Variants in UBASH3A observed in about 807,000 individuals in gnomAD.
UBASH3A encodes ubiquitin associated and SH3 domain containing A.
Under a neutral mutation model 73.5 loss-of-function variants are expected in UBASH3A, and 63 were observed. The observed-to-expected ratio is 0.86, with a 90% CI of 0.70 to 1.06. The LOEUF (loss-of-function observed/expected upper bound fraction) is 1.06, where lower values mean the gene tolerates loss of function less well. UBASH3A is among the 50% of genes least tolerant of loss of function. UBASH3A has a pLI of 0.00. For missense variants in UBASH3A, 860 were observed against 859.0 expected, an observed-to-expected ratio of 1.00 and a Z score of -0.02; for synonymous variants, 363 against 351.1, an observed-to-expected ratio of 1.03 and a Z score of -0.38.
chr21:42,413,707 C>T lies in UBASH3A; in HGVS notation c.667+184C>T, dbSNP rs1243353008. Among the ~76,000 whole-genome samples the T allele has an allele frequency of 1.3e-5, 2 of 152,168 alleles. No individual in the cohort carries two copies. Among genetic ancestry groups the T allele is most frequent in the African/African-American group, 4.8e-5 (2 of 41,426 alleles). On this transcript the variant is annotated intron_variant, in intron 5 of 14. Transcript: ENST00000319294. This position sits in a 1 kb window ranked among gnomAD's most constrained non-coding sequence, Gnocchi z 4.5. ...TGTGACGGGGTTGGAGGCTGGTGCA[C>T]ACAGGGAGTCAGGGCCTCCCCACCC...
Position 42,413,379 on chromosome 21 carries a change from G to A in UBASH3A, c.554-31G>A, listed in dbSNP as rs779186087. Reference sequence around the variant, plus strand: ...GGGATGGCTGGGTGGGCTTTCTTCCGGGCTCAGTGGCTGCACCTGTCCTCA... The same window carrying A: ...GGGATGGCTGGGTGGGCTTTCTTCCAGGCTCAGTGGCTGCACCTGTCCTCA... On this transcript the variant is annotated intron_variant, in intron 4 of 14. Coordinates refer to ENST00000319294, the MANE Select transcript of UBASH3A (RefSeq NM_018961.4). This position sits in a 1 kb window ranked among gnomAD's most constrained non-coding sequence, Gnocchi z 4.5. 4.2e-5 allele frequency: 67 copies of A among 1,586,472 alleles called. No homozygotes were observed. In the East Asian group the frequency reaches 5.6e-4, roughly 13 times the overall value.
At chr21:42,437,680 A>G (rs2053651956) in intron 11 of UBASH3A, 100 bp downstream of exon 11, 2 of 1,055,900 alleles carry the variant, frequency 1.9e-6, no homozygotes, top group Non-Finnish European at 1.4e-6. Context: ...GATGACTGGC[A>G]ATGAATGCCC....
chr21:42,442,934 C>T (rs372448097), intron 12 of UBASH3A, among the ~76,000 whole-genome samples: 53 of 152,132 alleles, frequency 3.5e-4, no homozygotes, highest in African/African-American at 1.2e-3. Context: ...GATCAGATGT[C>T]GAAGGTAGGA....
chr21:42,440,911 A>G (rs994892378), intron 11 of UBASH3A, among the ~76,000 whole-genome samples: 3 of 152,250 alleles, frequency 2.0e-5, no homozygotes, highest in Admixed American at 2.0e-4. Context: ...GTGGTTCCTC[A>G]TTAACACACT....
chr21:42,420,955 G>C (rs1260746989), intron 7 of UBASH3A, among the ~76,000 whole-genome samples: 1 of 152,210 alleles, frequency 6.6e-6, no homozygotes, highest in East Asian at 1.9e-4. Flanking sequence ...GATGGCTACT[G>C]CCTCCCTTCC....
chr21:42,423,230 C>T lies in UBASH3A; in HGVS notation c.1047-3467C>T, dbSNP rs528681698. ...CCAACAGTCATGGCCATCCCAGATG[C>T]GTGCAGACCAGCGGTTCAGGAGAAA... On this transcript the variant is annotated intron_variant, in intron 7 of 14. Coordinates refer to ENST00000319294, the MANE Select transcript of UBASH3A (RefSeq NM_018961.4). Among the ~76,000 whole-genome samples, 15 of 151,074 alleles carry T rather than the reference C, an allele frequency of 9.9e-5. No homozygotes were observed. In the South Asian group the frequency reaches 1.9e-3, roughly 19 times the overall value.
In UBASH3A at chr21:42,434,945, A is replaced by G. The variant is rs1241206881; in HGVS notation, c.1384A>G (p.Arg462Gly). The change falls in exon 10 of 15, where the codon AGA becomes GGA. Residue 462 changes from arginine (R) to glycine (G), a missense_variant. Coordinates refer to ENST00000319294, the MANE Select transcript of UBASH3A (RefSeq NM_018961.4). ...PLSSCGIFQS[R>G]IAGDALLDSG... ...ATCATCGTGTGGCATTTTCCAGTCC[A>G]GAATTGCAGGTATGTTTGAGGACTG... The G allele has an allele frequency of 6.2e-7, 1 of 1,614,172 alleles. No individual in the cohort carries two copies.
chr21:42,413,704 G>A lies in UBASH3A; in HGVS notation c.667+181G>A, dbSNP rs200368384. Among the ~76,000 whole-genome samples, 1 of 152,170 alleles carries A rather than the reference G, an allele frequency of 6.6e-6. No homozygotes were observed. Among genetic ancestry groups the A allele is most frequent in the East Asian group, 1.9e-4 (1 of 5,196 alleles). On this transcript the variant is annotated intron_variant, in intron 5 of 14. Transcript: ENST00000319294. The surrounding 1 kb of genome is among the most constrained non-coding windows in gnomAD (Gnocchi z 4.5). ...GACTGTGACGGGGTTGGAGGCTGGT[G>A]CACACAGGGAGTCAGGGCCTCCCCA...
Position 42,413,502 on chromosome 21 carries a change from AG to A in UBASH3A, c.647del (p.Ser216ThrfsTer11), listed in dbSNP as rs1477527962. 1 of 1,613,766 alleles carries A rather than the reference AG, an allele frequency of 6.2e-7. No individual in the cohort carries two copies. Among genetic ancestry groups the A allele is most frequent in the Non-Finnish European group, 8.5e-7 (1 of 1,179,776 alleles). On this transcript the variant is annotated frameshift_variant, in exon 5 of 15. Coordinates refer to ENST00000319294, the MANE Select transcript of UBASH3A (RefSeq NM_018961.4). LOFTEE classifies it high-confidence loss of function. The surrounding 1 kb of genome is among the most constrained non-coding windows in gnomAD (Gnocchi z 4.5). ...LSNLTRASFV[S>X]HYILQKYCSV... ...CAATTTAACTAGAGCCTCCTTCGTG[AG>A]CCACTACATCCTTCAAAAATGTAAG... is the stretch of plus-strand genomic sequence containing the variant.
intron 1 of UBASH3A, among the ~76,000 whole-genome samples, chr21:42,404,410 A>G (rs1568903034): frequency 2.0e-5 from 3 of 152,024 alleles, no homozygotes; most frequent in Non-Finnish European, 4.4e-5. Context: ...ATTAGCTATT[A>G]TTAGTGTTAG....
At chr21:42,420,367 A>G (rs1601576640) in intron 7 of UBASH3A, among the ~76,000 whole-genome samples, 1 of 152,114 alleles carries the variant, frequency 6.6e-6, no homozygotes, top group East Asian at 1.9e-4. Flanking sequence ...TGTATTTTTT[A>G]AATTGTATTG....
Position 42,447,254 on chromosome 21 carries a change from T to C in UBASH3A, c.*60T>C. The C allele has an allele frequency of 6.4e-7, 1 of 1,554,796 alleles. No individual in the cohort carries two copies. Among genetic ancestry groups the C allele is most frequent in the East Asian group, 2.3e-5 (1 of 43,936 alleles). On this transcript the variant is annotated 3_prime_UTR_variant, in exon 15 of 15. Coordinates refer to ENST00000319294, the MANE Select transcript of UBASH3A (RefSeq NM_018961.4). ...AGAGGCAGAAACCATGTGCAGAGGC[T>C]GGGAGATGCTGCTGTTTCCAGAGGC...
intron 1 of UBASH3A, among the ~76,000 whole-genome samples, chr21:42,404,778 G>T (rs1165112047): frequency 6.6e-6 from 1 of 152,130 alleles, no homozygotes; most frequent in Non-Finnish European, 1.5e-5. Context: ...GTCTGATAAC[G>T]AAACAAATGG....
intron 11 of UBASH3A, among the ~76,000 whole-genome samples, chr21:42,438,579 G>T (rs772514410): frequency 2.0e-5 from 3 of 152,176 alleles, no homozygotes; most frequent in Non-Finnish European, 2.9e-5. Flanking sequence ...TAAGGGCAGG[G>T]TTGAGCTGTG....
chr21:42,427,785 G>A (rs915357176), intron 8 of UBASH3A, among the ~76,000 whole-genome samples: 1 of 152,072 alleles, frequency 6.6e-6, no homozygotes, highest in African/African-American at 2.4e-5. Flanking sequence ...TAGTCCCCAG[G>A]GCCCATCCTG....
intron 13 of UBASH3A, among the ~76,000 whole-genome samples, 153 bp from the exon 14 acceptor site, chr21:42,444,381 C>T (rs1017256156): frequency 1.3e-5 from 2 of 152,214 alleles, no homozygotes; most frequent in Admixed American, 1.3e-4. Context: ...CATCACTGAG[C>T]GGTTACCAGC....
At chr21:42,425,822 A>G (rs965181264) in intron 7 of UBASH3A, among the ~76,000 whole-genome samples, 5 of 152,186 alleles carry the variant, frequency 3.3e-5, no homozygotes, top group Non-Finnish European at 4.4e-5. Flanking sequence ...AAATGCAAAC[A>G]TTTGCAAATG....
intron 7 of UBASH3A, among the ~76,000 whole-genome samples, chr21:42,426,159 AC>A (rs1347009585): frequency 6.6e-6 from 1 of 152,080 alleles, no homozygotes; most frequent in Non-Finnish European, 1.5e-5. Flanking sequence ...TCCTCATGGG[AC>A]CCCAGTTCGT....
rs2146476135 is a variant in UBASH3A at position 42,403,984 on chromosome 21, C to T, written c.39C>T (p.Ser13=). Residue 13 remains serine (S), a synonymous_variant, in exon 1 of 15, where the codon TCC becomes TCT. Coordinates refer to ENST00000319294, the MANE Select transcript of UBASH3A (RefSeq NM_018961.4). ...AGACGCAGCTCTACGCCAAGGTCTCCAACAAGCTCAAGAGCCGCAGCAGCC... is the reference window on the plus strand; with the variant it reads ...AGACGCAGCTCTACGCCAAGGTCTCTAACAAGCTCAAGAGCCGCAGCAGCC... ...AGETQLYAKV[S]NKLKSRSSPS... 3.3e-6 allele frequency: 5 copies of T among 1,527,194 alleles called. No individual in the cohort carries two copies. In the East Asian group the frequency reaches 7.7e-5, roughly 23 times the overall value. The allele number at this position is 1,527,194 out of a possible 1,614,324, so 94.6% of individuals were successfully genotyped here.
Sources: allele counts gnomAD v4.1 joint callset (sites outside exome capture counted in the v4.1 genomes callset), GRCh38; gene constraint gnomAD v4.1.1; non-coding constraint Gnocchi (gnomAD v3.1); transcripts MANE v1.5; gene names NCBI Gene and HGNC (gene_info 2026-07-23, HGNC 2026-07-21).